SLC2A3: variants seen among roughly 807,000 people sequenced by gnomAD.
SLC2A3 encodes the protein solute carrier family 2, facilitated glucose transporter member 3.
In SLC2A3, 21 loss-of-function variants were observed where a neutral mutation model predicts 46.4. The observed-to-expected ratio is 0.45, with a 90% CI of 0.32 to 0.65. The LOEUF (loss-of-function observed/expected upper bound fraction) is 0.65, where lower values mean the gene tolerates loss of function less well. Among genes scored for constraint, SLC2A3 ranks in the 30% least tolerant of loss-of-function variants. The pLI, the probability that SLC2A3 is intolerant of heterozygous loss-of-function variation, is 0.04. For synonymous variants in SLC2A3, 213 were observed against 239.4 expected (o/e 0.89, Z 1.02); for missense variants, 499 against 623.3 (o/e 0.80, Z 2.12).
At chr12:7,923,968 A>T (rs1174426129) in intron 8 of SLC2A3, among the ~76,000 whole-genome samples, 2 of 151,760 alleles carry the variant, frequency 1.3e-5, no homozygotes, top group African/African-American at 4.8e-5. Context: ...GGGTTTCTCC[A>T]TGTTGGTCAG....
In SLC2A3 at chr12:7,925,865, A is replaced by C; in HGVS notation, c.945T>G (p.Asn315Lys). The change falls in exon 7 of 10, where the codon AAT becomes AAG. Residue 315 changes from asparagine (N) to lysine (K), a missense_variant. Physicochemically the swap from Asn to Lys is moderately conservative, Grantham distance 94. This residue lies in a region of SLC2A3 where 65 missense variants were observed against 88.4 expected (regional missense o/e 0.74). Coordinates refer to ENST00000075120, the MANE Select transcript of SLC2A3 (RefSeq NM_006931.3). ...TTACAGAAACTACAGTGAAGATAGT[A>C]TTAACCACACCCGCGCCGATGGTGG... ...IYATIGAGVV[N>K]TIFTVVSLFL... The C allele has an allele frequency of 6.2e-7, 1 of 1,613,396 alleles. No individual in the cohort carries two copies. Among genetic ancestry groups the C allele is most frequent in the Non-Finnish European group, 8.5e-7 (1 of 1,179,494 alleles).
intron 6 of SLC2A3, among the ~76,000 whole-genome samples, chr12:7,929,237 A>G (rs1395335747): frequency 6.6e-6 from 1 of 152,130 alleles, no homozygotes; most frequent in Non-Finnish European, 1.5e-5. Context: ...TAGAAGGCAC[A>G]GGAATACTCT....
intron 1 of SLC2A3, among the ~76,000 whole-genome samples, chr12:7,935,203 C>T (rs1946199858): frequency 1.3e-5 from 2 of 152,180 alleles, no homozygotes; most frequent in Admixed American, 6.5e-5. Flanking sequence ...CCTGTAATCT[C>T]AGCACCTTGG....
intron 8 of SLC2A3, among the ~76,000 whole-genome samples, chr12:7,923,623 A>T (rs897306056): frequency 9.9e-5 from 15 of 151,336 alleles, no homozygotes; most frequent in Non-Finnish European, 2.1e-4. Flanking sequence ...CAAAAAAAAA[A>T]TTTTTTTTTG....
chr12:7,922,825 G>A lies in SLC2A3; in HGVS notation c.1268C>T (p.Ala423Val). 6.2e-7 allele frequency: 1 copy of A among 1,614,000 alleles called. No individual in the cohort carries two copies. The highest frequency in any genetic ancestry group is 8.5e-7 in the Non-Finnish European group (1 of 1,179,906). Reference protein sequence around the residue: ...NFLVGLLFPSAAHYLGAYVFI... With the variant: ...NFLVGLLFPSVAHYLGAYVFI... The stretch of plus-strand genomic sequence containing the variant: ...AGATAAGGTGAGTTTACTTACAGCA[G>A]CGGAGGGGAAGAGCAATCCGACTAG... Residue 423 changes from alanine (A) to valine (V), a missense_variant, in exon 9 of 10, where the codon GCT (alanine) becomes GTT (valine). Around this residue, in one of 5 missense-constraint regions of SLC2A3, gnomAD observed 179 missense variants for 205.1 expected, o/e 0.87. Transcript: ENST00000075120.
intron 6 of SLC2A3, among the ~76,000 whole-genome samples, chr12:7,928,522 C>G (rs751778369): frequency 1.3e-5 from 2 of 152,014 alleles, no homozygotes; most frequent in African/African-American, 4.8e-5. Context: ...AGGGCCTGGA[C>G]TGTGGTGAGG....
chr12:7,932,047 A>G (rs1320561837), intron 3 of SLC2A3, among the ~76,000 whole-genome samples: 2 of 151,164 alleles, frequency 1.3e-5, no homozygotes, highest in African/African-American at 4.9e-5. Context: ...CGCCCGGCTA[A>G]TTTTTTGTAT....
chr12:7,929,352 A>G (rs74059376), intron 6 of SLC2A3, among the ~76,000 whole-genome samples: 2,564 of 152,030 alleles, frequency 0.017, 76 homozygotes, highest in African/African-American at 0.059. Context: ...TTAAACTATC[A>G]TCTATCATGC....
intron 8 of SLC2A3, 86 bp from the exon 9 acceptor site, chr12:7,923,110 C>T: frequency 8.1e-7 from 1 of 1,235,686 alleles, no homozygotes; most frequent in Non-Finnish European, 1.1e-6. Flanking sequence ...ACGGCAAGCT[C>T]CTCCTGTCCC....
intron 5 of SLC2A3, 156 bp from the exon 6 acceptor site, chr12:7,930,027 C>A: frequency 2.1e-6 from 3 of 1,437,862 alleles, no homozygotes; most frequent in Non-Finnish European, 2.8e-6. Flanking sequence ...CTTTTGTTGC[C>A]CAGGCTGGAG....
chr12:7,933,418 G>C, intron 2 of SLC2A3: 1 of 527,924 alleles, frequency 1.9e-6, no homozygotes, highest in Non-Finnish European at 3.4e-6. Flanking sequence ...TAACCCCTAA[G>C]GGATAATACA....
intron 1 of SLC2A3, among the ~76,000 whole-genome samples, chr12:7,934,199 A>G (rs1946189371): frequency 6.6e-6 from 1 of 152,130 alleles, no homozygotes; most frequent in Non-Finnish European, 1.5e-5. Context: ...GCATCAGGCA[A>G]ATGTAGGCAT....
At chr12:7,934,079 CT>C (rs1270006912) in intron 1 of SLC2A3, among the ~76,000 whole-genome samples, 177 bp from the exon 2 acceptor site, 20 of 152,078 alleles carry the variant, frequency 1.3e-4, no homozygotes. Flanking sequence ...TACTAAAGAA[CT>C]TATCTGGAGA....
At chr12:7,928,972 G>A (rs1248206806) in intron 6 of SLC2A3, among the ~76,000 whole-genome samples, 1 of 151,838 alleles carries the variant, frequency 6.6e-6, no homozygotes, top group Non-Finnish European at 1.5e-5. Flanking sequence ...CATAGATTCT[G>A]ACATAACAGC....
At position 7,923,587 on chromosome 12, in the gene SLC2A3, C is replaced by T. The variant is rs112382279; in HGVS notation, c.1069-563G>A. Among the ~76,000 whole-genome samples, 551 of 152,040 alleles carry T rather than the reference C, an allele frequency of 3.6e-3. 5 individuals are homozygous for T. The highest frequency in any genetic ancestry group is 0.012 in the African/African-American group (513 of 41,494). ...CTGAGATCCTGCCACTGCTCTCCAG[C>T]CTGGTGACAGAGTGAAACCCTGTCT... On this transcript the variant is annotated intron_variant, in intron 8 of 9. Coordinates refer to ENST00000075120, the MANE Select transcript of SLC2A3 (RefSeq NM_006931.3).
intron 6 of SLC2A3, among the ~76,000 whole-genome samples, chr12:7,926,980 A>G (rs968244565): frequency 6.6e-6 from 1 of 152,128 alleles, no homozygotes; most frequent in Non-Finnish European, 1.5e-5. Context: ...ACAAGGGAAC[A>G]TTATCTAGGT....
chr12:7,931,449 G>C lies in SLC2A3; in HGVS notation c.306C>G (p.Val102=), dbSNP rs1157747598. 1 of 1,614,056 alleles carries C rather than the reference G, an allele frequency of 6.2e-7. No individual in the cohort carries two copies. The highest frequency in any genetic ancestry group is 8.5e-7 in the Non-Finnish European group (1 of 1,180,028). The part of the protein sequence containing the change: ...NSMLIVNLLA[V]TGGCFMGLCK... The stretch of plus-strand genomic sequence containing the variant: ...ACAGTCCCATAAAGCAGCCACCAGT[G>C]ACAGCCAACAGGTTGACAATCAGCA... The change falls in exon 4 of 10, where the codon GTC becomes GTG. Residue 102 remains valine (V), a synonymous_variant. Transcript: ENST00000075120.
At chr12:7,923,462 A>G (rs985125908) in intron 8 of SLC2A3, among the ~76,000 whole-genome samples, 1 of 152,132 alleles carries the variant, frequency 6.6e-6, no homozygotes, top group Non-Finnish European at 1.5e-5. Context: ...AAGAAGTACA[A>G]AAATTAGCTG....
intron 9 of SLC2A3, among the ~76,000 whole-genome samples, chr12:7,921,838 C>A (rs1485252922): frequency 2.0e-5 from 3 of 152,064 alleles, no homozygotes; most frequent in African/African-American, 7.2e-5. Flanking sequence ...CATTTCATTA[C>A]AGTTAGATGC....
Sources: gnomAD v4.1 joint callset for allele counts (sites outside exome capture counted in the v4.1 genomes callset) on GRCh38, gnomAD v4.1.1 for gene constraint, gnomAD v4.1.1 regional missense constraint, MANE v1.5 for transcripts, NCBI Gene and HGNC (gene_info 2026-07-23, HGNC 2026-07-21) for gene names.